The following RBM47 variants were observed in gnomAD, a reference collection of about 807,000 sequenced individuals.
RBM47 encodes the protein RNA binding motif protein 47, also known as RNA-binding protein 47.
RBM47 carries 21 observed loss-of-function variants against 47.1 expected under a neutral mutation model. The ratio of observed to expected loss-of-function variants is 0.45; its 90% CI spans 0.32 to 0.64. The LOEUF (loss-of-function observed/expected upper bound fraction) is 0.64, where lower values mean the gene tolerates loss of function less well. Among genes scored for constraint, RBM47 ranks in the 30% least tolerant of loss-of-function variants. The pLI is 0.05. For synonymous variants in RBM47, 375 were observed against 361.7 expected (o/e 1.04, Z -0.42); for missense variants, 708 against 870.9 (o/e 0.81, Z 2.35).
rs766857501 is a variant in RBM47, at chr4:40,425,979, G to A, written c.1707C>T (p.Tyr569=). ...GGAAGGCCTGAGGTATGTAGCCTGC[G>A]TATCCTCCATACATGGCGGCCGCGG... The part of the protein sequence containing the change: ...AAAAAAMYGG[Y]AGYIPQAFPA... Residue 569 remains tyrosine (Y), a synonymous_variant, in exon 7 of 7, where the codon TAC becomes TAT. Coordinates refer to ENST00000295971, the MANE Select transcript of RBM47 (RefSeq NM_001098634.2). 3 of 1,614,212 alleles carry A rather than the reference G, an allele frequency of 1.9e-6. No individual in the cohort carries two copies. Among genetic ancestry groups the A allele is most frequent in the South Asian group, 1.1e-5 (1 of 91,084 alleles).
intron 2 of RBM47, among the ~76,000 whole-genome samples, chr4:40,467,404 C>T (rs1177870237): frequency 6.6e-6 from 1 of 152,076 alleles, no homozygotes; most frequent in Non-Finnish European, 1.5e-5. Flanking sequence ...ATTCTCCTGC[C>T]TCAGCCTCCC....
rs181617920 is a variant in RBM47, at chr4:40,558,851, G to A, written c.-239-14345C>T. Among the ~76,000 whole-genome samples the A allele has an allele frequency of 6.4e-3, 957 of 149,676 alleles. 3 individuals are homozygous for A. Among genetic ancestry groups the A allele is most frequent in the Non-Finnish European group, 9.3e-3 (631 of 67,652 alleles). Reference sequence around the variant, plus strand: ...TAAAAAAAAAAAAAAAAAATTAGCCGGGCGTGGTGGCAGGCGCCTGTAATC... The same window carrying A: ...TAAAAAAAAAAAAAAAAAATTAGCCAGGCGTGGTGGCAGGCGCCTGTAATC... On this transcript the variant is annotated intron_variant, in intron 1 of 6. Transcript: ENST00000295971.
At chr4:40,574,714 G>C (rs953499594) in intron 1 of RBM47, among the ~76,000 whole-genome samples, 1 of 152,148 alleles carries the variant, frequency 6.6e-6, no homozygotes, top group African/African-American at 2.4e-5. Flanking sequence ...GCCAGGTGTG[G>C]TGGCATATGC....
chr4:40,569,667 C>T (rs541062218), intron 1 of RBM47, among the ~76,000 whole-genome samples: 1 of 151,520 alleles, frequency 6.6e-6, no homozygotes, highest in African/African-American at 2.4e-5. Context: ...CCTTGGCCTC[C>T]CAAAGTGCTG....
chr4:40,459,679 C>T (rs987517803), intron 3 of RBM47, among the ~76,000 whole-genome samples: 1 of 152,126 alleles, frequency 6.6e-6, no homozygotes, highest in Non-Finnish European at 1.5e-5. Flanking sequence ...TCTGCATGGC[C>T]GAAAGGAGCC....
chr4:40,532,880 T>C (rs1345708773), intron 2 of RBM47, among the ~76,000 whole-genome samples: 2 of 152,128 alleles, frequency 1.3e-5, no homozygotes, highest in South Asian at 2.1e-4. Context: ...CAGTAGCTTA[T>C]AGCCTCTTGC....
chr4:40,582,240 A>C (rs1733024759), intron 1 of RBM47, among the ~76,000 whole-genome samples: 1 of 152,116 alleles, frequency 6.6e-6, no homozygotes, highest in Non-Finnish European at 1.5e-5. Context: ...ATCTTTCCAA[A>C]ACTAAGATCT....
chr4:40,568,755 T>A (rs989430501), intron 1 of RBM47, among the ~76,000 whole-genome samples: 2 of 151,548 alleles, frequency 1.3e-5, no homozygotes, highest in South Asian at 4.2e-4. Context: ...CCGAGGCGGG[T>A]GGATCACCTG....
chr4:40,565,586 A>C (rs1731019312), intron 1 of RBM47, among the ~76,000 whole-genome samples: 1 of 152,114 alleles, frequency 6.6e-6, no homozygotes, highest in Admixed American at 6.6e-5. Context: ...CTTTGGAATT[A>C]AGATTTGGGC....
intron 2 of RBM47, among the ~76,000 whole-genome samples, chr4:40,481,703 C>T (rs1346770029): frequency 6.6e-6 from 1 of 152,040 alleles, no homozygotes; most frequent in South Asian, 2.1e-4. Context: ...AGGTGTGCGC[C>T]ACCATGCCCA....
chr4:40,510,163 G>A lies in RBM47; in HGVS notation c.-155+34259C>T, dbSNP rs1246755722. ...GATAGCGCCATTGCACTCCAGCCTG[G>A]GCAACAAGAGTGAAACTCCATCTCA... On this transcript the variant is annotated intron_variant, in intron 2 of 6. Transcript: ENST00000295971. 5.5e-5 allele frequency among the ~76,000 whole-genome samples: 8 copies of A among 145,228 alleles called. No homozygotes were observed. In the Admixed American group the frequency reaches 5.5e-4, roughly 10 times the overall value.
intron 3 of RBM47, among the ~76,000 whole-genome samples, chr4:40,456,571 C>CTTTT (rs34320480): frequency 4.4e-5 from 5 of 112,576 alleles, no homozygotes; most frequent in African/African-American, 1.1e-4. Context: ...TTTCTTTTTT[C>CTTTT]TTTTTTTTTT....
intron 6 of RBM47, 179 bp from the exon 7 acceptor site, chr4:40,426,322 G>A (rs891786627): frequency 1.7e-5 from 13 of 760,248 alleles, no homozygotes; most frequent in African/African-American, 5.3e-5. Context: ...CCACTGAAGA[G>A]GTAAGGTGGA....
intron 1 of RBM47, among the ~76,000 whole-genome samples, chr4:40,556,131 G>T (rs1730059382): frequency 6.6e-6 from 1 of 151,514 alleles, no homozygotes; most frequent in Admixed American, 6.6e-5. Context: ...TGCCTCCTGG[G>T]TTCAAGCAGT....
At chr4:40,457,149 G>A (rs567623570) in intron 3 of RBM47, among the ~76,000 whole-genome samples, 1 of 151,952 alleles carries the variant, frequency 6.6e-6, no homozygotes, top group East Asian at 2.0e-4. Context: ...GTCGGGCGTG[G>A]TGGCTCACGC....
intron 6 of RBM47, 93 bp downstream of exon 6, chr4:40,432,558 C>A: frequency 6.4e-7 from 1 of 1,563,064 alleles, no homozygotes; most frequent in African/African-American, 1.4e-5. Flanking sequence ...GAGAGCCAGG[C>A]ACACAGTAAA....
chr4:40,516,261 CTTTTT>C (rs541606790), intron 2 of RBM47, among the ~76,000 whole-genome samples: 3 of 133,150 alleles, frequency 2.3e-5, no homozygotes, highest in Non-Finnish European at 4.8e-5. Flanking sequence ...TCTTTTCTTT[CTTTTT>C]TTTTTTTTTT....
At chr4:40,562,896 G>T (rs1198236560) in intron 1 of RBM47, among the ~76,000 whole-genome samples, 1 of 152,118 alleles carries the variant, frequency 6.6e-6, no homozygotes, top group Non-Finnish European at 1.5e-5. Flanking sequence ...TCCCTCGAGG[G>T]GATGAGTCAT....
Position 40,424,969 on chromosome 4 carries a change from C to G in RBM47, c.*935G>C, listed in dbSNP as rs1714817533. On this transcript the variant is annotated 3_prime_UTR_variant, in exon 7 of 7. Transcript: ENST00000295971. ...ATAGCACACGTAGAAGACAATACTT[C>G]CCCAACCAAACAAAAAAAAAAACAA... 8.8e-6 allele frequency: 1 copy of G among 114,012 alleles called. No individual in the cohort carries two copies. The highest frequency in any genetic ancestry group is 9.4e-5 in the Admixed American group (1 of 10,622). 7.1% of individuals were successfully genotyped at this position (114,012 alleles called of 1,614,324 possible). A position where few individuals can be genotyped will look rare whatever the true frequency, so the allele number is the denominator to read the frequency against.
Sources: allele counts gnomAD v4.1 joint callset (sites outside exome capture counted in the v4.1 genomes callset), GRCh38; gene constraint gnomAD v4.1.1; transcripts MANE v1.5; gene names NCBI Gene and HGNC (gene_info 2026-07-23, HGNC 2026-07-21).